ACCSL: variants seen among roughly 807,000 people sequenced by gnomAD.
ACCSL encodes the protein probable inactive 1-aminocyclopropane-1-carboxylate synthase-like protein 2.
ACCSL carries 55 observed loss-of-function variants against 61.7 expected under a neutral mutation model. The observed-to-expected ratio is 0.89, with a 90% confidence interval of 0.72 to 1.12. The LOEUF (loss-of-function observed/expected upper bound fraction) is 1.12. Among genes scored for constraint, ACCSL ranks in the 50% most tolerant of loss-of-function variants. The probability of loss-of-function intolerance (pLI) is 0.00; values close to 1 mark genes in which losing one functional copy is unlikely to be tolerated. For synonymous variants in ACCSL, 258 were observed against 264.3 expected, an observed-to-expected ratio of 0.98 and a Z score of 0.23; for missense variants, 632 against 698.0, an observed-to-expected ratio of 0.91 and a Z score of 1.07.
the ACCSL span, chr11:43,933,451 G>A: frequency 2.8e-5 from 6 of 215,822 alleles, no homozygotes; most frequent in South Asian, 3.8e-4. Flanking sequence ...CCCCTCTCTG[G>A]TCTTCTCTGT....
At chr11:43,930,816 C>G in the ACCSL span, among the ~76,000 whole-genome samples, 1 of 152,192 alleles carries the variant, frequency 6.6e-6, no homozygotes, top group African/African-American at 2.4e-5. Flanking sequence ...TTCACACACA[C>G]ACACACATGC....
At chr11:44,043,974 C>T (rs1952586905), upstream of ACCSL, among the ~76,000 whole-genome samples, 1 of 152,140 alleles carries the variant, frequency 6.6e-6, no homozygotes, top group Non-Finnish European at 1.5e-5. Context: ...TGGTCTTTCT[C>T]TTGTCTGTGC....
the ACCSL span, among the ~76,000 whole-genome samples, chr11:43,932,031 C>T: frequency 6.6e-6 from 1 of 152,204 alleles, no homozygotes; most frequent in East Asian, 1.9e-4. Context: ...AAAGTGGGCC[C>T]ATAAGGATGA....
At chr11:44,035,716 T>C in the ACCSL span, among the ~76,000 whole-genome samples, 3 of 151,814 alleles carry the variant, frequency 2.0e-5, no homozygotes, top group Non-Finnish European at 4.4e-5. Context: ...GGCAGGCGGA[T>C]CACTTGAGGC....
chr11:43,942,601 G>C, the ACCSL span: 2 of 314,990 alleles, frequency 6.3e-6, no homozygotes, highest in African/African-American at 2.3e-5. Context: ...GGGCAGCCGC[G>C]GGCTATATAA....
the ACCSL span, among the ~76,000 whole-genome samples, chr11:44,000,188 G>C: frequency 0.44 from 66,907 of 151,846 alleles, 15,336 homozygotes; most frequent in Middle Eastern, 0.56. Context: ...GCAGTGGCAC[G>C]ATCTCAGCTC....
In ACCSL at chr11:44,058,379, A is replaced by G; in HGVS notation, c.1390A>G (p.Ile464Val). The G allele has an allele frequency of 6.2e-7, 1 of 1,614,148 alleles. No homozygotes were observed. Among genetic ancestry groups the G allele is most frequent in the East Asian group, 2.2e-5 (1 of 44,880 alleles). Residue 464 changes from isoleucine to valine, a missense_variant, in exon 12 of 14, where the codon ATC (isoleucine) becomes GTC (valine). Coordinates refer to ENST00000378832, the MANE Select transcript of ACCSL (RefSeq NM_001031854.2). The stretch of plus-strand genomic sequence containing the variant: ...CCGGCTCCGGGAAGCTCACAAGTAC[A>G]TCACTGCTGAGCTGAAGGCATTGGA... The part of the protein sequence containing the change: ...CYRLREAHKY[I>V]TAELKALEIP...
the ACCSL span, among the ~76,000 whole-genome samples, chr11:43,930,400 C>G: frequency 4.6e-5 from 7 of 152,168 alleles, no homozygotes; most frequent in African/African-American, 1.7e-4. Flanking sequence ...AGTGTTGGAC[C>G]GGGCCTGGTG....
In ACCSL at chr11:44,048,243, C is replaced by T. The variant is rs767367063; in HGVS notation, c.207C>T (p.Ala69=). 1.2e-6 allele frequency: 2 copies of T among 1,614,160 alleles called. No homozygotes were observed. Among genetic ancestry groups the T allele is most frequent in the Middle Eastern group, 1.6e-4 (1 of 6,062 alleles). Reference sequence around the variant, plus strand: ...CTGAGGCCATCTGTGAGCATGAAGCCCTTCTGAGTCGCTTAATATGCCGGA... The same window carrying T: ...CTGAGGCCATCTGTGAGCATGAAGCTCTTCTGAGTCGCTTAATATGCCGGA... ...RHTEAICEHE[A]LLSRLICRMI... Residue 69 remains alanine (A), a synonymous_variant, in exon 1 of 14, where the codon GCC becomes GCT. Coordinates refer to ENST00000378832, the MANE Select transcript of ACCSL (RefSeq NM_001031854.2).
At chr11:44,039,621 C>T in the ACCSL span, among the ~76,000 whole-genome samples, 1 of 152,070 alleles carries the variant, frequency 6.6e-6, no homozygotes, top group Non-Finnish European at 1.5e-5. Flanking sequence ...ACTCATGTAA[C>T]CAAACACAGC....
At chr11:44,049,563 C>G (rs111260998) in intron 1 of ACCSL, among the ~76,000 whole-genome samples, 1 of 151,964 alleles carries the variant, frequency 6.6e-6, no homozygotes, top group African/African-American at 2.4e-5. Flanking sequence ...CCCTTCTGTT[C>G]CTATCTCTGT....
chr11:44,028,799 G>A, the ACCSL span, among the ~76,000 whole-genome samples: 10 of 152,356 alleles, frequency 6.6e-5, no homozygotes, highest in East Asian at 3.9e-4. Context: ...CTCCACATAT[G>A]TCATAGGCTT....
chr11:43,986,257 CA>C, the ACCSL span, among the ~76,000 whole-genome samples: 1 of 152,250 alleles, frequency 6.6e-6, no homozygotes, highest in East Asian at 1.9e-4. Context: ...TGACCATTGC[CA>C]GCGCTTCCTA....
chr11:43,985,186 C>T, the ACCSL span, among the ~76,000 whole-genome samples: 5 of 152,290 alleles, frequency 3.3e-5, no homozygotes, highest in East Asian at 3.9e-4. Context: ...GAGCATTGGA[C>T]GCTGCCTCCG....
the ACCSL span, among the ~76,000 whole-genome samples, chr11:43,936,556 G>A: frequency 4.0e-5 from 6 of 148,438 alleles, no homozygotes; most frequent in Admixed American, 3.3e-4. Flanking sequence ...TGGCACCCAG[G>A]GGCATTGCTT....
the ACCSL span, among the ~76,000 whole-genome samples, chr11:44,008,586 C>T: frequency 6.6e-5 from 10 of 152,212 alleles, no homozygotes; most frequent in African/African-American, 2.4e-4. Context: ...GGCTTGGGAC[C>T]GGCTGTATGA....
the ACCSL span, among the ~76,000 whole-genome samples, chr11:43,986,548 G>A: frequency 2.0e-5 from 3 of 152,224 alleles, no homozygotes; most frequent in South Asian, 2.1e-4. Context: ...ATTCTTTGAT[G>A]ACAATGCTGA....
chr11:43,981,197 C>T, the ACCSL span, among the ~76,000 whole-genome samples: 1 of 152,170 alleles, frequency 6.6e-6, no homozygotes, highest in Non-Finnish European at 1.5e-5. Context: ...CCTCTGGGAG[C>T]TTGGGTAGCT....
the ACCSL span, among the ~76,000 whole-genome samples, chr11:44,004,475 A>AAGCTG: frequency 1.7e-4 from 26 of 151,332 alleles, 1 homozygote; most frequent in East Asian, 3.7e-3. Context: ...TTCCAAGGCC[A>AAGCTG]AGCTGAGCTG....
Sources: gnomAD v4.1 joint callset for allele counts (sites outside exome capture counted in the v4.1 genomes callset) on GRCh38, gnomAD v4.1.1 for gene constraint, MANE v1.5 for transcripts, NCBI Gene and HGNC (gene_info 2026-07-23, HGNC 2026-07-21) for gene names.